RGPD3: variants seen among roughly 807,000 people sequenced by gnomAD.
RGPD3 encodes the protein ranBP2-like and GRIP domain-containing protein 3.
Under a neutral mutation model 154.5 loss-of-function variants are expected in RGPD3, and 62 were observed. The observed-to-expected ratio is 0.40, with a 90% CI of 0.33 to 0.50. The LOEUF is 0.50. Ranked by LOEUF, RGPD3 falls within the 20% of genes least tolerant of loss-of-function variation. The pLI, the probability that RGPD3 is intolerant of heterozygous loss-of-function variation, is 0.59. For missense variants in RGPD3, 919 were observed against 1,716.8 expected, an observed-to-expected ratio of 0.54 and a Z score of 8.21; for synonymous variants, 308 against 607.0, an observed-to-expected ratio of 0.51 and a Z score of 7.24.
Position 106,457,046 on chromosome 2 carries a change from A to G in RGPD3, c.330T>C (p.Thr110=), listed in dbSNP as rs1678247842. ...CCACCCAGTATTCTGCTCTTCCATC[A>G]GTAACATCATTTTTACAAAGCAATT... ...IAELLCKNDV[T]DGRAEYWVER... The change falls in exon 4 of 23, where the codon ACT becomes ACC. Residue 110 remains threonine, a synonymous_variant. Transcript: ENST00000409886. 1.2e-6 allele frequency: 2 copies of G among 1,611,510 alleles called. No homozygotes were observed. The highest frequency in any genetic ancestry group is 1.7e-6 in the Non-Finnish European group (2 of 1,179,636).
intron 17 of RGPD3, among the ~76,000 whole-genome samples, chr2:106,429,988 A>G (rs1445610787): frequency 1.3e-5 from 2 of 152,034 alleles, no homozygotes; most frequent in African/African-American, 4.8e-5. Flanking sequence ...GGCTCAAGCA[A>G]TTCTCCCACC....
upstream of RGPD3, among the ~76,000 whole-genome samples, chr2:106,469,555 C>G (rs1207200547): frequency 6.6e-6 from 1 of 152,192 alleles, no homozygotes; most frequent in Admixed American, 6.5e-5. Context: ...TGAACCGTCC[C>G]TAAACATCCA....
In RGPD3 at chr2:106,415,725, AATATAAAG is replaced by A. The variant is rs1041417602; in HGVS notation, c.5064+117_5064+124del. The A allele has an allele frequency of 2.8e-6, 3 of 1,075,064 alleles. No homozygotes were observed. The African/African-American group carries it at 4.9e-5, about 18-fold the overall frequency. 66.6% of individuals were successfully genotyped at this position (1,075,064 alleles called of 1,614,324 possible). On this transcript the variant is annotated intron_variant, in intron 21 of 22. Coordinates refer to ENST00000409886, the MANE Select transcript of RGPD3 (RefSeq NM_001144013.2). ...CAATATTTCTCACCATCAGGAATCT[AATATAAAG>A]ATCAAGACGTTATAGATGCATCTGC... is the stretch of plus-strand genomic sequence containing the variant.
chr2:106,413,127 C>T lies in RGPD3; in HGVS notation c.5223G>A (p.Gln1741=). 6.2e-7 allele frequency: 1 copy of T among 1,611,382 alleles called. No homozygotes were observed. Among genetic ancestry groups the T allele is most frequent in the Non-Finnish European group, 8.5e-7 (1 of 1,179,736 alleles). ...GTTTTCCCTTTTCTTCAAGGCTGAG[C>T]TGCAACATCGTATTTATAACAGGAA... ...RLLPVINTML[Q]LSLEEKGKLA... The change falls in exon 22 of 23, where the codon CAG becomes CAA. Residue 1741 remains glutamine (Q), a synonymous_variant. Transcript: ENST00000409886.
In RGPD3 at chr2:106,467,983, C is replaced by G. The variant is rs111744250; in HGVS notation, c.72+234G>C. Among the ~76,000 whole-genome samples, 4 of 141,108 alleles carry G rather than the reference C, an allele frequency of 2.8e-5. No homozygotes were observed. The South Asian group carries it at 6.6e-4, about 23-fold the overall frequency. The allele number at this position is 141,108 out of a possible 152,430, so 92.6% of individuals were successfully genotyped here. A position where few individuals can be genotyped will look rare whatever the true frequency, so the allele number is the denominator to read the frequency against. ...CATCGAGGCCGCCGCAGGGCCAGGT[C>G]GAGGCCGGCGCCTCAACAGAGCGCG... On this transcript the variant is annotated intron_variant, in intron 1 of 22. Coordinates refer to ENST00000409886, the MANE Select transcript of RGPD3 (RefSeq NM_001144013.2).
chr2:106,450,705 C>A (rs1440959142), intron 6 of RGPD3, among the ~76,000 whole-genome samples: 13 of 43,242 alleles, frequency 3.0e-4, no homozygotes, highest in African/African-American at 5.4e-4. Flanking sequence ...GACTCTGTCT[C>A]AAAAAAAAAA....
intron 7 of RGPD3, among the ~76,000 whole-genome samples, chr2:106,446,610 C>T (rs1195687816): frequency 1.5e-5 from 2 of 131,968 alleles, no homozygotes; most frequent in African/African-American, 5.7e-5. Flanking sequence ...GCGCCAGGCG[C>T]AGTGCCTCGC....
chr2:106,437,669 C>T (rs927084977), intron 9 of RGPD3, among the ~76,000 whole-genome samples: 1 of 152,048 alleles, frequency 6.6e-6, no homozygotes, highest in Non-Finnish European at 1.5e-5. Context: ...AAATAACTTG[C>T]CATGAAGACA....
At position 106,405,238 on chromosome 2, in the gene RGPD3, A is replaced by AT; in HGVS notation, c.5267-10_5267-9insA. 1 of 1,605,984 alleles carries AT rather than the reference A, an allele frequency of 6.2e-7. No individual in the cohort carries two copies. The highest frequency in any genetic ancestry group is 8.5e-7 in the Non-Finnish European group (1 of 1,178,136). ...AGCATTTTATTCCTCACCTTTGGAAAGTAAAACAAAAAAAAAGAAAAAAGA... is the reference window on the plus strand; with the variant it reads ...AGCATTTTATTCCTCACCTTTGGAAATGTAAAACAAAAAAAAAGAAAAAAGA... On this transcript the variant is annotated splice_polypyrimidine_tract_variant and intron_variant, in intron 22 of 22. Transcript: ENST00000409886.
chr2:106,415,886 T>C lies in RGPD3; in HGVS notation c.5028A>G (p.Ile1676Met), dbSNP rs1558835141. 2.5e-6 allele frequency: 4 copies of C among 1,611,970 alleles called. No individual in the cohort carries two copies. The highest frequency in any genetic ancestry group is 3.4e-6 in the Non-Finnish European group (4 of 1,179,852). Reference protein sequence around the residue: ...ADHLNGLLREIEATNAVLMEQ... With the variant: ...ADHLNGLLREMEATNAVLMEQ... ...CCATAAGGACTGCATTGGTTGCCTC[T>C]ATTTCCCGAAGCAGGCCGTTTAAGT... Residue 1676 changes from isoleucine to methionine, a missense_variant, in exon 21 of 23, where the codon ATA (isoleucine) becomes ATG (methionine). By Grantham distance (10) the Ile-to-Met change is conservative (BLOSUM62 1). Coordinates refer to ENST00000409886, the MANE Select transcript of RGPD3 (RefSeq NM_001144013.2).
Position 106,424,626 on chromosome 2 carries a change from A to T in RGPD3, c.3341T>A (p.Ile1114Lys). 6.2e-7 allele frequency: 1 copy of T among 1,611,898 alleles called. No individual in the cohort carries two copies. The highest frequency in any genetic ancestry group is 8.5e-7 in the Non-Finnish European group (1 of 1,179,846). Reference protein sequence around the residue: ...QVLKVCANHWITTTMNLKPLS... With the variant: ...QVLKVCANHWKTTTMNLKPLS... ...GGGCTTCAGGTTCATTGTAGTCGTT[A>T]TCCAATGATTAGCACACACTTTTAG... Residue 1114 changes from isoleucine (I) to lysine (K), a missense_variant, in exon 20 of 23, where the codon ATA (isoleucine) becomes AAA (lysine). Transcript: ENST00000409886.
In RGPD3 at chr2:106,413,156, G is replaced by A. The variant is rs1235823877; in HGVS notation, c.5194C>T (p.Leu1732Phe). ...FLKPGSERER[L>F]LPVINTMLQL... Reference sequence around the variant, plus strand: ...AACATCGTATTTATAACAGGAAGAAGTCTCTCTCTTTCACTACCTGGCTTC... The same window carrying A: ...AACATCGTATTTATAACAGGAAGAAATCTCTCTCTTTCACTACCTGGCTTC... Residue 1732 changes from leucine (L) to phenylalanine (F), a missense_variant, in exon 22 of 23, where the codon CTT becomes TTT. Coordinates refer to ENST00000409886, the MANE Select transcript of RGPD3 (RefSeq NM_001144013.2). The A allele has an allele frequency of 6.2e-7, 1 of 1,611,772 alleles. No homozygotes were observed. The highest frequency in any genetic ancestry group is 8.5e-7 in the Non-Finnish European group (1 of 1,179,800).
intron 1 of RGPD3, among the ~76,000 whole-genome samples, chr2:106,464,534 C>T (rs1312937997): frequency 2.7e-5 from 4 of 150,858 alleles, no homozygotes; most frequent in Non-Finnish European, 5.9e-5. Flanking sequence ...ATCATTTATG[C>T]CCAAAAATTT....
intron 18 of RGPD3, among the ~76,000 whole-genome samples, chr2:106,426,710 C>T (rs71267601): frequency 1.3e-5 from 2 of 152,250 alleles, no homozygotes; most frequent in African/African-American, 4.8e-5. Context: ...GAAGGCACCC[C>T]TGTTAATGAC....
intron 7 of RGPD3, among the ~76,000 whole-genome samples, chr2:106,441,902 C>T (rs1677756649): frequency 8.1e-6 from 1 of 123,530 alleles, no homozygotes; most frequent in African/African-American, 3.0e-5. Flanking sequence ...AAAGAGGGGC[C>T]AGACATGTTG....
chr2:106,409,965 T>G (rs1676622363), intron 22 of RGPD3, among the ~76,000 whole-genome samples: 1 of 147,756 alleles, frequency 6.8e-6, no homozygotes, highest in African/African-American at 2.5e-5. Context: ...AACCTCTGCC[T>G]CCTGGGTTCA....
chr2:106,415,751 G>C, intron 21 of RGPD3, 99 bp downstream of exon 21: 1 of 1,457,740 alleles, frequency 6.9e-7, no homozygotes. Context: ...CGTTATAGAT[G>C]CATCTGCAAT....
At chr2:106,446,911 AG>A (rs1164723513) in intron 7 of RGPD3, among the ~76,000 whole-genome samples, 4 of 146,704 alleles carry the variant, frequency 2.7e-5, no homozygotes, top group African/African-American at 7.5e-5. Context: ...AAATAAGAAA[AG>A]GTTTTATGTT....
chr2:106,430,074 C>G (rs915150244), intron 17 of RGPD3, among the ~76,000 whole-genome samples: 1 of 150,328 alleles, frequency 6.7e-6, no homozygotes, highest in African/African-American at 2.5e-5. Flanking sequence ...AGTAGAGATG[C>G]GGTTTCACCA....
Sources: allele counts gnomAD v4.1 joint callset (sites outside exome capture counted in the v4.1 genomes callset), GRCh38; gene constraint gnomAD v4.1.1; transcripts MANE v1.5; gene names NCBI Gene and HGNC (gene_info 2026-07-23, HGNC 2026-07-21).